Variants in ERI1 observed in about 807,000 individuals in gnomAD.
ERI1 encodes exoribonuclease 1.
A neutral mutation model predicts 39.7 loss-of-function variants in ERI1; 39 were observed. The observed-to-expected ratio is 0.98, with a 90% CI of 0.76 to 1.28. The LOEUF (loss-of-function observed/expected upper bound fraction) is 1.28, where lower values mean the gene tolerates loss of function less well. Among genes scored for constraint, ERI1 ranks in the 50% most tolerant of loss-of-function variants. The pLI is 0.00. For missense variants in ERI1, 581 were observed against 416.9 expected (o/e 1.39, Z -3.43); for synonymous variants, 204 against 149.6 (o/e 1.36, Z -2.65).
At chr8:9,065,253 A>C (rs1192160141) in intron 3 of ERI1, among the ~76,000 whole-genome samples, 9 of 152,182 alleles carry the variant, frequency 5.9e-5, no homozygotes, top group Non-Finnish European at 1.3e-4. Context: ...GAATGCTCAG[A>C]ATAAGATTGT....
intron 3 of ERI1, among the ~76,000 whole-genome samples, chr8:9,043,131 G>A (rs958013398): frequency 6.6e-6 from 1 of 152,134 alleles, no homozygotes; most frequent in African/African-American, 2.4e-5. Flanking sequence ...TACATAATTC[G>A]GATTTATTTT....
chr8:9,042,402 A>G (rs1182514702), intron 3 of ERI1, among the ~76,000 whole-genome samples: 2 of 152,162 alleles, frequency 1.3e-5, no homozygotes, highest in African/African-American at 2.4e-5. Flanking sequence ...AGCGTTTTAA[A>G]TTTTATACAT....
chr8:9,086,867 C>T (rs949358331), intron 3 of ERI1, among the ~76,000 whole-genome samples: 1 of 152,172 alleles, frequency 6.6e-6, no homozygotes, highest in Non-Finnish European at 1.5e-5. Context: ...TGTTTTCCTG[C>T]AATGGACTTA....
At chr8:9,016,114 G>C (rs142690080) in intron 3 of ERI1, among the ~76,000 whole-genome samples, 3 of 151,964 alleles carry the variant, frequency 2.0e-5, no homozygotes, top group Non-Finnish European at 4.4e-5. Flanking sequence ...TCACTTTATC[G>C]TAAAATATTT....
At chr8:9,097,875 G>A (rs73522718) in intron 3 of ERI1, among the ~76,000 whole-genome samples, 5,634 of 152,016 alleles carry the variant, frequency 0.037, 316 homozygotes, top group African/African-American at 0.12. Flanking sequence ...CCAAATGCCC[G>A]TCAATCAAAT....
intron 3 of ERI1, among the ~76,000 whole-genome samples, chr8:9,039,844 T>C (rs975900285): frequency 3.3e-5 from 5 of 152,338 alleles, no homozygotes; most frequent in African/African-American, 1.2e-4. Context: ...AGTAGATTCA[T>C]ATTTGACTGT....
At chr8:9,010,888 C>G (rs933325973) in intron 2 of ERI1, among the ~76,000 whole-genome samples, 1 of 152,038 alleles carries the variant, frequency 6.6e-6, no homozygotes, top group Non-Finnish European at 1.5e-5. Context: ...CATATTCTAC[C>G]CATGATAAAT....
At chr8:9,015,268 A>C (rs1302019189) in intron 3 of ERI1, among the ~76,000 whole-genome samples, 1 of 152,182 alleles carries the variant, frequency 6.6e-6, no homozygotes, top group East Asian at 1.9e-4. Flanking sequence ...CTTAATTTTT[A>C]AATCTTCTGC....
chr8:9,020,794 G>A (rs188690105), intron 6 of ERI1, among the ~76,000 whole-genome samples: 87 of 152,254 alleles, frequency 5.7e-4, no homozygotes, highest in Middle Eastern at 3.4e-3. Context: ...TGCGTGTGCC[G>A]TGTAAATGTT....
chr8:9,050,242 T>C (rs2117370910), intron 3 of ERI1, among the ~76,000 whole-genome samples: 1 of 152,056 alleles, frequency 6.6e-6, no homozygotes. Context: ...GCGCAGTGCC[T>C]CACACCTATA....
chr8:9,067,206 C>T (rs1798905766), intron 3 of ERI1, among the ~76,000 whole-genome samples: 1 of 152,098 alleles, frequency 6.6e-6, no homozygotes, highest in African/African-American at 2.4e-5. Flanking sequence ...GTACGTCATT[C>T]ATACACATGA....
At chr8:9,085,657 T>C (rs1799500890) in intron 3 of ERI1, among the ~76,000 whole-genome samples, 1 of 151,960 alleles carries the variant, frequency 6.6e-6, no homozygotes, top group Non-Finnish European at 1.5e-5. Flanking sequence ...CAGTATTTAC[T>C]ATCTGGCCCT....
chr8:9,020,527 T>C, intron 6 of ERI1, 63 bp downstream of exon 6: 1 of 996,852 alleles, frequency 1.0e-6, no homozygotes, highest in Non-Finnish European at 1.5e-6. Context: ...AATTTGCATG[T>C]ACGTTAGATT....
intron 6 of ERI1, among the ~76,000 whole-genome samples, chr8:9,025,163 C>G (rs1221967442): frequency 6.6e-6 from 1 of 152,186 alleles, no homozygotes; most frequent in South Asian, 2.1e-4. Flanking sequence ...CTTACCTAAT[C>G]ATATGCTGGT....
At chr8:9,066,564 C>G (rs1308736202) in intron 3 of ERI1, among the ~76,000 whole-genome samples, 2 of 152,134 alleles carry the variant, frequency 1.3e-5, no homozygotes, top group African/African-American at 4.8e-5. Context: ...TGACAAATGA[C>G]AGGCAGAAAG....
chr8:9,019,628 C>T (rs1459193820), intron 5 of ERI1, among the ~76,000 whole-genome samples: 4 of 152,040 alleles, frequency 2.6e-5, no homozygotes, highest in Admixed American at 2.0e-4. Flanking sequence ...GGTGAGGTTG[C>T]GTCAAAGTAT....
chr8:9,023,151 C>A (rs1237040287), intron 6 of ERI1, among the ~76,000 whole-genome samples: 1 of 152,034 alleles, frequency 6.6e-6, no homozygotes. Flanking sequence ...TATGTTAATA[C>A]ATCTCTTTAG....
chr8:9,041,436 A>G (rs1798015758), intron 3 of ERI1, among the ~76,000 whole-genome samples: 1 of 152,162 alleles, frequency 6.6e-6, no homozygotes, highest in South Asian at 2.1e-4. Context: ...ATAGGTTAGG[A>G]CACAAAACAA....
intron 3 of ERI1, among the ~76,000 whole-genome samples, chr8:9,098,864 C>T (rs1177915119): frequency 6.6e-6 from 1 of 152,108 alleles, no homozygotes; most frequent in Non-Finnish European, 1.5e-5. Flanking sequence ...CAGACAGGCT[C>T]TCACTGTCAC....
Sources: gnomAD v4.1 joint callset for allele counts (sites outside exome capture counted in the v4.1 genomes callset) on GRCh38, gnomAD v4.1.1 for gene constraint, MANE v1.5 for transcripts, NCBI Gene and HGNC (gene_info 2026-07-23, HGNC 2026-07-21) for gene names.